The following FAM107B variants were observed in gnomAD, a reference collection of about 807,000 sequenced individuals.
FAM107B encodes the protein protein FAM107B.
In FAM107B, 21 loss-of-function variants were observed where a neutral mutation model predicts 31.5. That is an observed-to-expected ratio of 0.67 (90% CI 0.47 to 0.96). The LOEUF is 0.96. FAM107B is among the 40% of genes least tolerant of loss of function. FAM107B has a pLI of 0.00. For synonymous variants in FAM107B, 157 were observed against 141.5 expected, an observed-to-expected ratio of 1.11 and a Z score of -0.78; for missense variants, 452 against 377.1, an observed-to-expected ratio of 1.20 and a Z score of -1.64.
chr10:14,551,816 T>A (rs1475527977), intron 2 of FAM107B, among the ~76,000 whole-genome samples: 1 of 152,200 alleles, frequency 6.6e-6, no homozygotes, highest in Non-Finnish European at 1.5e-5. Flanking sequence ...CCAGTCTCAA[T>A]AGTCCCTATT....
At chr10:14,601,897 CAATT>C (rs1293026910) in intron 2 of FAM107B, among the ~76,000 whole-genome samples, 1 of 152,092 alleles carries the variant, frequency 6.6e-6, no homozygotes, top group African/African-American at 2.4e-5. Context: ...AGATTTTAAA[CAATT>C]AACAGTCAAA....
rs575551726 is a variant in FAM107B at position 14,520,059 on chromosome 10, T to A, written c.*1131A>T. On this transcript the variant is annotated 3_prime_UTR_variant, in exon 5 of 5. Coordinates refer to ENST00000181796, the MANE Select transcript of FAM107B (RefSeq NM_031453.4). The stretch of plus-strand genomic sequence containing the variant: ...ATCGACATCATCCTTATCAACAGCA[T>A]CATCACTCAGACAGTGGTGAAAGTC... The A allele has an allele frequency of 6.6e-6, 1 of 152,612 alleles. No homozygotes were observed. The highest frequency in any genetic ancestry group is 2.4e-5 in the African/African-American group (1 of 41,442). The allele number at this position is 152,612 out of a possible 1,614,324, so 9.5% of individuals were successfully genotyped here.
At chr10:14,733,096 T>C (rs542118155) in intron 1 of FAM107B, among the ~76,000 whole-genome samples, 2 of 148,654 alleles carry the variant, frequency 1.3e-5, no homozygotes, top group Non-Finnish European at 1.5e-5. Context: ...GAATACATTA[T>C]ACATAATAAT....
chr10:14,720,764 T>C (rs1444759486), intron 1 of FAM107B, among the ~76,000 whole-genome samples: 3 of 152,164 alleles, frequency 2.0e-5, no homozygotes, highest in Non-Finnish European at 4.4e-5. Context: ...GACCTAGAAT[T>C]CATTGAAAAA....
In FAM107B at chr10:14,648,561, G is replaced by A. The variant is rs568544632; in HGVS notation, c.469+19073C>T. Among the ~76,000 whole-genome samples, 28 of 152,316 alleles carry A rather than the reference G, an allele frequency of 1.8e-4. No individual in the cohort carries two copies. In the East Asian group the frequency reaches 3.7e-3, roughly 20 times the overall value. ...AAGCCCAGCTTTTCCAGCAGACACC[G>A]AAGAGCCAATGATACCAGGAGAAAA... On this transcript the variant is annotated intron_variant, in intron 2 of 4. Transcript: ENST00000181796.
intron 3 of FAM107B, 150 bp downstream of exon 3, chr10:14,530,182 C>T (rs187552981): frequency 1.3e-4 from 116 of 876,238 alleles, no homozygotes; most frequent in African/African-American, 8.4e-4. Flanking sequence ...AGGGGTAACC[C>T]GGTTCTAGGA....
chr10:14,576,733 A>G (rs1851478038), intron 2 of FAM107B, among the ~76,000 whole-genome samples: 1 of 152,208 alleles, frequency 6.6e-6, no homozygotes, highest in Non-Finnish European at 1.5e-5. Context: ...TTCTATCTAT[A>G]AAACAGGAAT....
At chr10:14,760,928 C>G (rs1283126609) in intron 1 of FAM107B, among the ~76,000 whole-genome samples, 1 of 145,746 alleles carries the variant, frequency 6.9e-6, no homozygotes, top group Admixed American at 7.2e-5. Context: ...AGGAGAATCG[C>G]TTGAACCCGG....
intron 1 of FAM107B, among the ~76,000 whole-genome samples, chr10:14,722,953 T>C (rs1348149252): frequency 1.3e-5 from 2 of 152,232 alleles, no homozygotes; most frequent in African/African-American, 2.4e-5. Flanking sequence ...TTAGCTCTCA[T>C]ATTTAGATCT....
intron 2 of FAM107B, among the ~76,000 whole-genome samples, chr10:14,627,454 A>G (rs1006489065): frequency 6.6e-6 from 1 of 152,212 alleles, no homozygotes; most frequent in African/African-American, 2.4e-5. Flanking sequence ...CAGCTCTGCT[A>G]GACAGGAAGA....
rs762933528 is a variant in FAM107B at position 14,521,282 on chromosome 10, G to C, written c.829C>G (p.Gln277Glu). 1 of 1,613,976 alleles carries C rather than the reference G, an allele frequency of 6.2e-7. No individual in the cohort carries two copies. The highest frequency in any genetic ancestry group is 1.7e-5 in the Admixed American group (1 of 59,988). Reference protein sequence around the residue: ...EQLELEKQKLQEEQENAPEFV... With the variant: ...EQLELEKQKLEEEQENAPEFV... ...TCGGGGGCATTTTCTTGCTCTTCTT[G>C]CAATTTCTGCTTCTCAAGTTCAAGC... Residue 277 changes from glutamine to glutamate, a missense_variant, in exon 5 of 5, where the codon CAA (glutamine) becomes GAA (glutamate). By Grantham distance (29) the Gln-to-Glu change is conservative (BLOSUM62 2). Coordinates refer to ENST00000181796, the MANE Select transcript of FAM107B (RefSeq NM_031453.4).
chr10:14,653,076 T>A (rs1020204553), intron 2 of FAM107B, among the ~76,000 whole-genome samples: 4 of 152,264 alleles, frequency 2.6e-5, no homozygotes, highest in Non-Finnish European at 5.9e-5. Context: ...AAACTCGCAA[T>A]CCCTGAGTAG....
intron 1 of FAM107B, among the ~76,000 whole-genome samples, chr10:14,742,995 C>G (rs922257812): frequency 1.3e-5 from 2 of 152,064 alleles, no homozygotes; most frequent in African/African-American, 4.8e-5. Flanking sequence ...TTTGAGTTCT[C>G]TCTTCTGTAT....
intron 2 of FAM107B, among the ~76,000 whole-genome samples, chr10:14,623,794 C>T (rs1024511171): frequency 6.6e-6 from 1 of 152,184 alleles, no homozygotes; most frequent in African/African-American, 2.4e-5. Context: ...CACTGCACTC[C>T]AGCCTGGGGG....
chr10:14,620,612 A>G (rs889202373), intron 2 of FAM107B, among the ~76,000 whole-genome samples: 1 of 152,090 alleles, frequency 6.6e-6, no homozygotes. Context: ...TACACGTGCC[A>G]TATTGGTTTG....
intron 2 of FAM107B, among the ~76,000 whole-genome samples, chr10:14,621,354 T>C (rs1853006243): frequency 6.6e-6 from 1 of 152,214 alleles, no homozygotes; most frequent in Non-Finnish European, 1.5e-5. Context: ...GTTATTTGTG[T>C]TCTGTGACTG....
intron 2 of FAM107B, among the ~76,000 whole-genome samples, chr10:14,599,850 C>T (rs1432408488): frequency 1.3e-5 from 1 of 78,342 alleles, no homozygotes; most frequent in Non-Finnish European, 3.2e-5. Flanking sequence ...ATTCCTTGAT[C>T]TACAAAAAAA....
chr10:14,680,606 G>A (rs1381589525), intron 1 of FAM107B, among the ~76,000 whole-genome samples: 2 of 149,688 alleles, frequency 1.3e-5, no homozygotes, highest in Non-Finnish European at 3.0e-5. Flanking sequence ...GAGGGAACCT[G>A]AGGAAATGGT....
In FAM107B at chr10:14,753,164, A is replaced by G. The variant is rs920028541; in HGVS notation, c.411+21089T>C. Among the ~76,000 whole-genome samples, 5 of 152,366 alleles carry G rather than the reference A, an allele frequency of 3.3e-5. No individual in the cohort carries two copies. The South Asian group carries it at 1.0e-3, about 32-fold the overall frequency. On this transcript the variant is annotated intron_variant, in intron 1 of 4. Coordinates refer to ENST00000181796, the MANE Select transcript of FAM107B (RefSeq NM_031453.4). Reference sequence around the variant, plus strand: ...TGTCAGTGTGTAGACACACACAGACACAAACACAACACACAGAAACACAGG... The same window carrying G: ...TGTCAGTGTGTAGACACACACAGACGCAAACACAACACACAGAAACACAGG...
Sources: allele counts gnomAD v4.1 joint callset (sites outside exome capture counted in the v4.1 genomes callset), GRCh38; gene constraint gnomAD v4.1.1; transcripts MANE v1.5; gene names NCBI Gene and HGNC (gene_info 2026-07-23, HGNC 2026-07-21).